KMT2A: variants seen among roughly 807,000 people sequenced by gnomAD.
KMT2A encodes lysine methyltransferase 2A.
In KMT2A, 16 loss-of-function variants were observed where a neutral mutation model predicts 345.3. The ratio of observed to expected loss-of-function variants is 0.05; its 90% CI spans 0.03 to 0.07. The LOEUF (loss-of-function observed/expected upper bound fraction) is 0.07. Among genes scored for constraint, KMT2A ranks in the 10% least tolerant of loss-of-function variants. The probability of loss-of-function intolerance (pLI) is 1.00; values close to 1 mark genes in which losing one functional copy is unlikely to be tolerated. For missense variants in KMT2A, 3,272 were observed against 4,841.6 expected, an observed-to-expected ratio of 0.68 and a Z score of 9.62; for synonymous variants, 1,599 against 1,778.6, an observed-to-expected ratio of 0.90 and a Z score of 2.54.
chr11:118,520,580 G>T lies in KMT2A; in HGVS notation c.11430-222G>T, dbSNP rs1429449713. On this transcript the variant is annotated intron_variant, in intron 33 of 35. Coordinates refer to ENST00000534358, the MANE Select transcript of KMT2A (RefSeq NM_001197104.2). The surrounding 1 kb of genome is among the most constrained non-coding windows in gnomAD (Gnocchi z 4.3). ...GCAAGAGAATCGCTTGAACCCAGGA[G>T]GCGGAGGTTACAGTGAGCCGAGATC... The T allele has an allele frequency of 1.1e-5, 6 of 528,232 alleles. No individual in the cohort carries two copies. Among genetic ancestry groups the T allele is most frequent in the Non-Finnish European group, 2.1e-5 (6 of 291,886 alleles). The allele number at this position is 528,232 out of a possible 1,614,324, so 32.7% of individuals were successfully genotyped here.
rs1950400552 is a variant in KMT2A, at chr11:118,495,857, C to T, written c.5521C>T (p.Pro1841Ser). ...CAAAGGTCCTGGAGAACCAGACTCA[C>T]CAACTCCTCTGCATCCTCCTACACC... ...KPKGPGEPDS[P>S]TPLHPPTPPI... The change falls in exon 19 of 36, where the codon CCA (proline) becomes TCA (serine). Residue 1841 changes from proline to serine, a missense_variant. Physicochemically the swap from Pro to Ser is moderately conservative, Grantham distance 74. Coordinates refer to ENST00000534358, the MANE Select transcript of KMT2A (RefSeq NM_001197104.2). This position sits in a 1 kb window ranked among gnomAD's most constrained non-coding sequence, Gnocchi z 4.1. 6.2e-6 allele frequency: 10 copies of T among 1,613,988 alleles called. No homozygotes were observed. The East Asian group carries it at 2.0e-4, about 32-fold the overall frequency.
At position 118,504,205 on chromosome 11, in the gene KMT2A, T is replaced by C. The variant is rs1555047138; in HGVS notation, c.8313T>C (p.Thr2771=). ...PEDAGEKEHV[T]KSSVGHKNEP... Reference sequence around the variant, plus strand: ...ATGCTGGGGAGAAAGAACATGTCACTAAGAGTTCTGTTGGCCACAAAAATG... The same window carrying C: ...ATGCTGGGGAGAAAGAACATGTCACCAAGAGTTCTGTTGGCCACAAAAATG... Residue 2771 remains threonine (T), a synonymous_variant, in exon 27 of 36, where the codon ACT becomes ACC. Coordinates refer to ENST00000534358, the MANE Select transcript of KMT2A (RefSeq NM_001197104.2). This position sits in a 1 kb window ranked among gnomAD's most constrained non-coding sequence, Gnocchi z 6.4. 1 of 1,614,116 alleles carries C rather than the reference T, an allele frequency of 6.2e-7. No individual in the cohort carries two copies. The highest frequency in any genetic ancestry group is 1.7e-5 in the Admixed American group (1 of 60,016).
At chr11:118,479,740 T>C (rs569888069) in intron 5 of KMT2A, among the ~76,000 whole-genome samples, 1 of 152,328 alleles carries the variant, frequency 6.6e-6, no homozygotes, top group Admixed American at 6.5e-5. Context: ...GTGAAGTATA[T>C]ATCAAAGCCA....
At position 118,505,541 on chromosome 11, in the gene KMT2A, C is replaced by T; in HGVS notation, c.9649C>T (p.Pro3217Ser). The T allele has an allele frequency of 6.2e-7, 1 of 1,614,182 alleles. No homozygotes were observed. The highest frequency in any genetic ancestry group is 8.5e-7 in the Non-Finnish European group (1 of 1,180,036). The change falls in exon 27 of 36, where the codon CCA (proline) becomes TCA (serine). Residue 3217 changes from proline to serine, a missense_variant. Pro to Ser is a moderately conservative substitution (Grantham distance 74). Transcript: ENST00000534358. The surrounding 1 kb of genome is among the most constrained non-coding windows in gnomAD (Gnocchi z 4.6). ...RTDLSTTVAT[P>S]SSGLKKRPIS... is the part of the protein sequence containing the mutation. ...AGACCTCAGTACCACAGTAGCCACT[C>T]CATCCTCTGGACTCAAGAAAAGACC...
In KMT2A at chr11:118,502,644, G is replaced by T; in HGVS notation, c.6752G>T (p.Gly2251Val). Residue 2251 changes from glycine to valine, a missense_variant, in exon 27 of 36, where the codon GGG becomes GTG. This residue lies in a region of KMT2A where 445 missense variants were observed against 500.9 expected (regional missense o/e 0.89). Transcript: ENST00000534358. This position sits in a 1 kb window ranked among gnomAD's most constrained non-coding sequence, Gnocchi z 4.9. ...SSAKVVDHVL[G>V]PLNSSTSLGQ... ...GCCAAAGTAGTTGATCATGTCTTAGGGCCACTGAATTCAAGTACTAGTTTA... is the reference window on the plus strand; with the variant it reads ...GCCAAAGTAGTTGATCATGTCTTAGTGCCACTGAATTCAAGTACTAGTTTA... 1 of 1,613,988 alleles carries T rather than the reference G, an allele frequency of 6.2e-7. No individual in the cohort carries two copies. Among genetic ancestry groups the T allele is most frequent in the South Asian group, 1.1e-5 (1 of 91,072 alleles).
chr11:118,520,951 A>T lies in KMT2A; in HGVS notation c.11513+66A>T, dbSNP rs1045425361. The T allele has an allele frequency of 5.7e-6, 7 of 1,237,062 alleles. No individual in the cohort carries two copies. The Middle Eastern group carries it at 5.6e-4, about 99-fold the overall frequency. 76.6% of individuals were successfully genotyped at this position (1,237,062 alleles called of 1,614,324 possible). A position where few individuals can be genotyped will look rare whatever the true frequency, so the allele number is the denominator to read the frequency against. On this transcript the variant is annotated intron_variant, in intron 34 of 35. Transcript: ENST00000534358. This position sits in a 1 kb window ranked among gnomAD's most constrained non-coding sequence, Gnocchi z 4.3. ...CAGTTTTTCAAAATCAAAGCAGACC[A>T]AATGCTGGAGTGACCTTCCTCACTC...
At chr11:118,513,568 A>G (rs1555050722) in intron 31 of KMT2A, among the ~76,000 whole-genome samples, 1 of 151,968 alleles carries the variant, frequency 6.6e-6, no homozygotes, top group East Asian at 1.9e-4. Context: ...ATTTTTCAGA[A>G]CTTTTTTAAT....
intron 1 of KMT2A, chr11:118,447,871 G>A (rs1555027607): frequency 8.5e-6 from 2 of 236,418 alleles, no homozygotes; most frequent in African/African-American, 2.3e-5. Flanking sequence ...GAGTAGTTGT[G>A]TAAAGAACTT....
intron 23 of KMT2A, 65 bp from the exon 24 acceptor site, chr11:118,499,770 A>T (rs1430801493): frequency 7.4e-6 from 9 of 1,213,062 alleles, no homozygotes; most frequent in Non-Finnish European, 1.1e-5. Context: ...ACAGAGTGAG[A>T]CTCTCTCAAA....
Position 118,504,124 on chromosome 11 carries a change from A to G in KMT2A, c.8232A>G (p.Pro2744=). The change falls in exon 27 of 36, where the codon CCA becomes CCG. Residue 2744 remains proline, a synonymous_variant. Coordinates refer to ENST00000534358, the MANE Select transcript of KMT2A (RefSeq NM_001197104.2). The surrounding 1 kb of genome is among the most constrained non-coding windows in gnomAD (Gnocchi z 6.4). ...TATTRKSSQI[P]KRNGKENGTE... Reference sequence around the variant, plus strand: ...CAACAAGGAAAAGCAGCCAGATTCCAAAAAGAAATGGTAAAGAAAATGGAA... The same window carrying G: ...CAACAAGGAAAAGCAGCCAGATTCCGAAAAGAAATGGTAAAGAAAATGGAA... The G allele has an allele frequency of 6.2e-7, 1 of 1,614,220 alleles. No individual in the cohort carries two copies. The highest frequency in any genetic ancestry group is 8.5e-7 in the Non-Finnish European group (1 of 1,180,036).
rs139227835 is a variant in KMT2A at position 118,473,885 on chromosome 11, G to A, written c.2726G>A (p.Gly909Asp). Reference sequence around the variant, plus strand: ...AGTAGTTCTGCTTTGTATCCTGTGGGTAGGGTTTCCAAAGAGAAGGTTGTT... The same window carrying A: ...AGTAGTTCTGCTTTGTATCCTGTGGATAGGGTTTCCAAAGAGAAGGTTGTT... ...IQSSSALYPV[G>D]RVSKEKVVGE... Residue 909 changes from glycine (G) to aspartate (D), a missense_variant, in exon 3 of 36, where the codon GGT becomes GAT. Physicochemically the swap from Gly to Asp is moderately conservative, Grantham distance 94. Transcript: ENST00000534358. This position sits in a 1 kb window ranked among gnomAD's most constrained non-coding sequence, Gnocchi z 5.2. 7.7e-4 allele frequency: 1,236 copies of A among 1,614,036 alleles called. 1 individual carries two copies. The highest frequency in any genetic ancestry group is 2.3e-3 in the Middle Eastern group (14 of 6,084).
In KMT2A at chr11:118,510,964, TTTA is replaced by T. The variant is rs879989809; in HGVS notation, c.11071+847_11071+849del. On this transcript the variant is annotated intron_variant, in intron 30 of 35. Transcript: ENST00000534358. The surrounding 1 kb of genome is among the most constrained non-coding windows in gnomAD (Gnocchi z 4.1). The stretch of plus-strand genomic sequence containing the variant: ...GAAAGGCAGGACTGCATTTGGTGGG[TTTA>T]GAGTAGTGTCAGGTGAGATGGCATT... Among the ~76,000 whole-genome samples, 2 of 151,946 alleles carry T rather than the reference TTTA, an allele frequency of 1.3e-5. No individual in the cohort carries two copies. The highest frequency in any genetic ancestry group is 2.9e-5 in the Non-Finnish European group (2 of 67,982).
chr11:118,489,925 C>G (rs1950298167), intron 12 of KMT2A, 38 bp downstream of exon 12: 1 of 1,548,972 alleles, frequency 6.5e-7, no homozygotes, highest in Non-Finnish European at 8.9e-7. Flanking sequence ...TAGAGAACCA[C>G]CATGTGACTA....
intron 1 of KMT2A, among the ~76,000 whole-genome samples, chr11:118,454,031 T>C (rs1210411611): frequency 6.6e-6 from 1 of 152,224 alleles, no homozygotes; most frequent in Non-Finnish European, 1.5e-5. Context: ...CTGTCTGTAT[T>C]ACATCCAAAA....
intron 2 of KMT2A, among the ~76,000 whole-genome samples, chr11:118,471,314 A>G (rs1285771170): frequency 1.3e-5 from 2 of 152,222 alleles, no homozygotes; most frequent in East Asian, 3.8e-4. Context: ...GAGGAAGTTC[A>G]GATGTTTTTT....
chr11:118,470,238 A>G (rs1418743094), intron 2 of KMT2A, among the ~76,000 whole-genome samples: 1 of 152,214 alleles, frequency 6.6e-6, no homozygotes, highest in Non-Finnish European at 1.5e-5. Context: ...GGCCAGGTTC[A>G]AGTCTACCAC....
intron 30 of KMT2A, 67 bp from the exon 31 acceptor site, chr11:118,511,884 T>C: frequency 8.4e-7 from 1 of 1,194,296 alleles, no homozygotes; most frequent in South Asian, 1.2e-5. Flanking sequence ...CTTGTGCACA[T>C]CATTGGTATT....
At position 118,506,170 on chromosome 11, in the gene KMT2A, A is replaced by G. The variant is rs1395204337; in HGVS notation, c.10278A>G (p.Ala3426=). The change falls in exon 27 of 36, where the codon GCA becomes GCG. Residue 3426 remains alanine (A), a synonymous_variant. Coordinates refer to ENST00000534358, the MANE Select transcript of KMT2A (RefSeq NM_001197104.2). Reference sequence around the variant, plus strand: ...CCTCTACTGCTGCAATAACAGCGGCATCTAGCATCTGTGTGCTCCCCTCCA... The same window carrying G: ...CCTCTACTGCTGCAATAACAGCGGCGTCTAGCATCTGTGTGCTCCCCTCCA... ...QTPSTAAITA[A]SSICVLPSTQ... is the part of the protein sequence containing the mutation. 1.9e-6 allele frequency: 3 copies of G among 1,614,184 alleles called. No individual in the cohort carries two copies. Among genetic ancestry groups the G allele is most frequent in the Non-Finnish European group, 1.7e-6 (2 of 1,180,024 alleles).
At chr11:118,481,605 G>A in intron 6 of KMT2A, 110 bp from the exon 7 acceptor site, 1 of 1,141,600 alleles carries the variant, frequency 8.8e-7, no homozygotes, top group East Asian at 2.4e-5. Context: ...CCTTTATTTT[G>A]GTATATACCT....
Sources: allele counts gnomAD v4.1 joint callset (sites outside exome capture counted in the v4.1 genomes callset), GRCh38; gene constraint gnomAD v4.1.1; regional missense constraint gnomAD v4.1.1; non-coding constraint Gnocchi (gnomAD v3.1); transcripts MANE v1.5; gene names NCBI Gene and HGNC (gene_info 2026-07-23, HGNC 2026-07-21).